Variants in PCSK9 observed in about 807,000 individuals in gnomAD.
PCSK9 encodes the protein convertase subtilisin/kexin type 9 preproprotein.
A neutral mutation model predicts 62.1 loss-of-function variants in PCSK9; 57 were observed. The observed-to-expected ratio is 0.92, with a 90% CI of 0.74 to 1.14. The LOEUF (loss-of-function observed/expected upper bound fraction) is 1.14. Among genes scored for constraint, PCSK9 ranks in the 50% most tolerant of loss-of-function variants. The pLI is 0.00. For missense variants in PCSK9, 870 were observed against 959.8 expected, an observed-to-expected ratio of 0.91 and a Z score of 1.24; for synonymous variants, 387 against 409.4, an observed-to-expected ratio of 0.95 and a Z score of 0.66.
intron 2 of PCSK9, among the ~76,000 whole-genome samples, chr1:55,045,722 T>C (rs1263650285): frequency 2.7e-5 from 4 of 150,654 alleles, no homozygotes; most frequent in African/African-American, 9.8e-5. Flanking sequence ...TTTGAGACTC[T>C]GTTGCCCAGA....
intron 10 of PCSK9, among the ~76,000 whole-genome samples, chr1:55,060,862 T>C (rs1397025540): frequency 6.6e-6 from 1 of 152,186 alleles, no homozygotes; most frequent in Non-Finnish European, 1.5e-5. Context: ...AGTGTCCCTG[T>C]GAGTAGGTGT....
intron 1 of PCSK9, among the ~76,000 whole-genome samples, chr1:55,042,039 C>T (rs768337538): frequency 5.9e-5 from 9 of 152,058 alleles, no homozygotes; most frequent in Admixed American, 2.0e-4. Flanking sequence ...ATCTGTCTCC[C>T]GGGTTCAAGT....
Position 55,059,728 on chromosome 1 carries a change from C to T in PCSK9, c.1681+65C>T, listed in dbSNP as rs1025616258. ...TTTCTCCTTATGCACCCACTGCCCGCGAGGCTTGGTCCTCACAAGTGTGAT... is the reference window on the plus strand; with the variant it reads ...TTTCTCCTTATGCACCCACTGCCCGTGAGGCTTGGTCCTCACAAGTGTGAT... On this transcript the variant is annotated intron_variant, in intron 10 of 11. Transcript: ENST00000302118. 258 of 1,518,622 alleles carry T rather than the reference C, an allele frequency of 1.7e-4. 2 individuals are homozygous for T. In the East Asian group the frequency reaches 5.7e-3, roughly 34 times the overall value. The allele number at this position is 1,518,622 out of a possible 1,614,324, so 94.1% of individuals were successfully genotyped here.
intron 3 of PCSK9, 193 bp from the exon 4 acceptor site, chr1:55,052,085 C>A: frequency 1.2e-6 from 1 of 807,256 alleles, no homozygotes; most frequent in Non-Finnish European, 2.0e-6. Flanking sequence ...CTCTCTAGGC[C>A]TCCCTTTCCT....
In PCSK9 at chr1:55,050,662, A is replaced by G. The variant is rs28362235; in HGVS notation, c.524-1616A>G. On this transcript the variant is annotated intron_variant, in intron 3 of 11. Transcript: ENST00000302118. ...GTGTGTGTGCAGGCTGGGGACTCAC[A>G]GTTCGGACTGTGCCCAGACCTACTA... is the stretch of plus-strand genomic sequence containing the variant. 2.2e-3 allele frequency among the ~76,000 whole-genome samples: 336 copies of G among 150,730 alleles called. 1 individual carries two copies. The highest frequency in any genetic ancestry group is 7.9e-3 in the African/African-American group (328 of 41,290).
intron 6 of PCSK9, 45 bp downstream of exon 6, chr1:55,056,234 GGGC>G: frequency 4.3e-6 from 4 of 924,846 alleles, no homozygotes; most frequent in Non-Finnish European, 5.5e-6. Context: ...AGGGGGCGGA[GGGC>G]GGAGGGCGGA....
intron 4 of PCSK9, 85 bp from the exon 5 acceptor site, chr1:55,052,565 G>A: frequency 6.2e-7 from 1 of 1,604,762 alleles, no homozygotes; most frequent in Non-Finnish European, 8.5e-7. Flanking sequence ...TTGTGGGAAG[G>A]GCGTTCATCC....
intron 3 of PCSK9, among the ~76,000 whole-genome samples, chr1:55,048,033 C>T (rs1479719402): frequency 3.3e-5 from 5 of 152,214 alleles, no homozygotes; most frequent in Non-Finnish European, 7.3e-5. Context: ...AGTTAGTTTC[C>T]TAGCACTGCT....
Position 55,039,812 on chromosome 1 carries a change from G to A in PCSK9, c.-26G>A, listed in dbSNP as rs28362202. ...GCACGGCCTCTAGGTCTCCTCGCCA[G>A]GACAGCAACCTCTCCCCTGGCCCTC... On this transcript the variant is annotated 5_prime_UTR_variant, in exon 1 of 12. Transcript: ENST00000302118. 2,354 of 1,569,572 alleles carry A rather than the reference G, an allele frequency of 1.5e-3. 22 individuals are homozygous for A. In the African/African-American group the frequency reaches 0.021, roughly 14 times the overall value.
At chr1:55,046,267 C>G (rs1441166898) in intron 2 of PCSK9, among the ~76,000 whole-genome samples, 1 of 152,244 alleles carries the variant, frequency 6.6e-6, no homozygotes, top group Non-Finnish European at 1.5e-5. Context: ...ATGTCAAGTT[C>G]AGAATCCTTC....
At chr1:55,045,857 G>T (rs1346979791) in intron 2 of PCSK9, among the ~76,000 whole-genome samples, 1 of 152,038 alleles carries the variant, frequency 6.6e-6, no homozygotes, top group Non-Finnish European at 1.5e-5. Flanking sequence ...CTACAGGTGT[G>T]TGCCACCATG....
In PCSK9 at chr1:55,052,731, A is replaced by C. The variant is rs1557503904; in HGVS notation, c.739A>C (p.Met247Leu). Residue 247 changes from methionine to leucine, a missense_variant, in exon 5 of 12, where the codon ATG becomes CTG. Physicochemically the swap from Met to Leu is conservative, Grantham distance 15. Coordinates refer to ENST00000302118, the MANE Select transcript of PCSK9 (RefSeq NM_174936.4). ...RDAGVAKGAS[M>L]RSLRVLNCQG... ...TGCCGGCGTGGCCAAGGGTGCCAGC[A>C]TGCGCAGCCTGCGCGTGCTCAACTG... is the stretch of plus-strand genomic sequence containing the variant. 6.2e-7 allele frequency: 1 copy of C among 1,613,196 alleles called. No individual in the cohort carries two copies. Among genetic ancestry groups the C allele is most frequent in the African/African-American group, 1.3e-5 (1 of 75,072 alleles).
At chr1:55,051,441 C>T (rs1042241667) in intron 3 of PCSK9, 7 of 330,800 alleles carry the variant, frequency 2.1e-5, no homozygotes, top group East Asian at 9.8e-5. Flanking sequence ...CTGAGACCTG[C>T]GCTGGAGCGG....
rs568618371 is a variant in PCSK9 at position 55,044,723 on chromosome 1, C to T, written c.399+689C>T. Among the ~76,000 whole-genome samples, 9 of 152,322 alleles carry T rather than the reference C, an allele frequency of 5.9e-5. No homozygotes were observed. The East Asian group carries it at 1.4e-3, about 23-fold the overall frequency. ...CATGGCAGGCGGTGCTTCTTAGCCT[C>T]CTGCAGACAGTGAGGCCCCACGGTC... On this transcript the variant is annotated intron_variant, in intron 2 of 11. Coordinates refer to ENST00000302118, the MANE Select transcript of PCSK9 (RefSeq NM_174936.4).
intron 9 of PCSK9, 51 bp downstream of exon 9, chr1:55,058,698 TGTGTGTGTGTG>T (rs1644736121): frequency 6.5e-7 from 1 of 1,537,028 alleles, no homozygotes. Context: ...TGTGTGTGTG[TGTGTGTGTGTG>T]TGTGTGTGTC....
At chr1:55,051,952 T>G in intron 3 of PCSK9, 1 of 399,008 alleles carries the variant, frequency 2.5e-6, no homozygotes, top group Admixed American at 3.6e-5. Flanking sequence ...TTTTACACTT[T>G]GATACTATTT....
rs28362280 is a variant in PCSK9 at position 55,062,148 on chromosome 1, G to A, written c.1863+592G>A. Among the ~76,000 whole-genome samples the A allele has an allele frequency of 2.3e-3, 343 of 152,338 alleles. 2 individuals are homozygous for A. The highest frequency in any genetic ancestry group is 7.5e-3 in the African/African-American group (313 of 41,576). On this transcript the variant is annotated intron_variant, in intron 11 of 11. Coordinates refer to ENST00000302118, the MANE Select transcript of PCSK9 (RefSeq NM_174936.4). ...CAGCAAGGCAAGAAAAGGCCCTGCC[G>A]AGATTAGCAAGGCATGTGCCAAGCC...
Position 55,040,057 on chromosome 1 carries a change from G to T in PCSK9, c.207+13G>T. ...CCGCTGCGCCAAGGTGCGGGTGTAG[G>T]GATGGGAGGCCGGGGCGAACCCGCA... On this transcript the variant is annotated intron_variant, in intron 1 of 11. Coordinates refer to ENST00000302118, the MANE Select transcript of PCSK9 (RefSeq NM_174936.4). This position sits in a 1 kb window ranked among gnomAD's most constrained non-coding sequence, Gnocchi z 4.1. 1 of 1,555,288 alleles carries T rather than the reference G, an allele frequency of 6.4e-7. No individual in the cohort carries two copies. Among genetic ancestry groups the T allele is most frequent in the Non-Finnish European group, 8.7e-7 (1 of 1,150,074 alleles).
chr1:55,045,038 A>G (rs977822217), intron 2 of PCSK9, among the ~76,000 whole-genome samples: 1 of 152,222 alleles, frequency 6.6e-6, no homozygotes, highest in Admixed American at 6.5e-5. Flanking sequence ...AAGATGACAC[A>G]GCTCAGGCCT....
Sources: allele counts gnomAD v4.1 joint callset (sites outside exome capture counted in the v4.1 genomes callset), GRCh38; gene constraint gnomAD v4.1.1; non-coding constraint Gnocchi (gnomAD v3.1); transcripts MANE v1.5; gene names NCBI Gene and HGNC (gene_info 2026-07-23, HGNC 2026-07-21).